Variants in C2orf80 observed in about 807,000 individuals in gnomAD.
The protein encoded by C2orf80 is uncharacterized protein C2orf80.
Under a neutral mutation model 30.2 loss-of-function variants are expected in C2orf80, and 28 were observed. The ratio of observed to expected loss-of-function variants is 0.93; its 90% CI spans 0.69 to 1.27. The LOEUF (loss-of-function observed/expected upper bound fraction) is 1.27, where lower values mean the gene tolerates loss of function less well. C2orf80 is among the 50% of genes most tolerant of loss of function. C2orf80 has a pLI of 0.00. For missense variants in C2orf80, 220 were observed against 231.0 expected, an observed-to-expected ratio of 0.95 and a Z score of 0.31; for synonymous variants, 80 against 76.4, an observed-to-expected ratio of 1.05 and a Z score of -0.24.
intron 6 of C2orf80, among the ~76,000 whole-genome samples, chr2:208,178,319 C>T: frequency 6.6e-6 from 1 of 152,092 alleles, no homozygotes; most frequent in East Asian, 1.9e-4. Context: ...AGACCTCTCC[C>T]AGGTACCAGA....
intron 7 of C2orf80, 58 bp from the exon 8 acceptor site, chr2:208,171,121 TC>T: frequency 8.8e-7 from 1 of 1,136,100 alleles, no homozygotes; most frequent in Non-Finnish European, 1.3e-6. Context: ...AATGTGTCCA[TC>T]CAAAGTTTCA....
chr2:208,176,877 GTATACATAGGTGTATATA>G (rs1696318413), intron 6 of C2orf80, among the ~76,000 whole-genome samples: 2 of 99,888 alleles, frequency 2.0e-5, no homozygotes, highest in African/African-American at 7.2e-5. Context: ...ATATACATAT[GTATACATAGGTGTATATA>G]TATACATATC....
At chr2:208,188,105 T>TGA (rs1390367368) in intron 1 of C2orf80, among the ~76,000 whole-genome samples, 1 of 151,762 alleles carries the variant, frequency 6.6e-6, no homozygotes, top group Non-Finnish European at 1.5e-5. Flanking sequence ...TGTGTGTGTG[T>TGA]GTGTGTGTGT....
intron 7 of C2orf80, 50 bp from the exon 8 acceptor site, chr2:208,171,113 T>C: frequency 8.1e-7 from 1 of 1,233,066 alleles, no homozygotes; most frequent in Non-Finnish European, 1.2e-6. Context: ...TTTTTAAAAA[T>C]GTGTCCATCC....
At chr2:208,173,581 T>A (rs893137185) in intron 6 of C2orf80, among the ~76,000 whole-genome samples, 2 of 151,520 alleles carry the variant, frequency 1.3e-5, no homozygotes, top group Admixed American at 1.3e-4. Context: ...GCCGAGATCG[T>A]GCCACTGCAC....
chr2:208,188,052 T>G (rs1171530232), intron 1 of C2orf80, among the ~76,000 whole-genome samples: 2 of 151,686 alleles, frequency 1.3e-5, no homozygotes, highest in Admixed American at 6.6e-5. Context: ...AAAATCAAAA[T>G]ATTTGAAAGA....
At chr2:208,165,840 T>C (rs751825243) in intron 8 of C2orf80, 25 bp from the exon 9 acceptor site, 68 of 1,559,372 alleles carry the variant, frequency 4.4e-5, no homozygotes, top group Non-Finnish European at 5.5e-5. Flanking sequence ...ATGATTTTGG[T>C]ATCAAGCACA....
intron 2 of C2orf80, 85 bp downstream of exon 2, chr2:208,186,861 C>A: frequency 8.6e-7 from 1 of 1,163,662 alleles, no homozygotes; most frequent in South Asian, 1.2e-5. Flanking sequence ...GATTTTTACC[C>A]ACTGCCAATA....
At chr2:208,189,215 C>A (rs1256416947) in intron 1 of C2orf80, among the ~76,000 whole-genome samples, 1 of 152,168 alleles carries the variant, frequency 6.6e-6, no homozygotes, top group Admixed American at 6.5e-5. Context: ...TGCTTTAATC[C>A]ATTCTTGTCT....
At chr2:208,185,124 C>A (rs1457988077) in intron 2 of C2orf80, 92 bp from the exon 3 acceptor site, 2 of 775,386 alleles carry the variant, frequency 2.6e-6, no homozygotes, top group East Asian at 2.6e-5. Context: ...CTCCCTCCCC[C>A]ACCAAAATAC....
chr2:208,186,704 C>T (rs1464754689), intron 2 of C2orf80, among the ~76,000 whole-genome samples: 1 of 152,162 alleles, frequency 6.6e-6, no homozygotes, highest in African/African-American at 2.4e-5. Context: ...AATGTGGATG[C>T]CTCGGATGTG....
intron 6 of C2orf80, among the ~76,000 whole-genome samples, chr2:208,175,076 G>T (rs1696240253): frequency 6.6e-6 from 1 of 152,144 alleles, no homozygotes; most frequent in African/African-American, 2.4e-5. Flanking sequence ...TTGAGGTCAG[G>T]AGTTCAAAAC....
chr2:208,189,900 G>A, intron 1 of C2orf80, 53 bp downstream of exon 1: 1 of 702,366 alleles, frequency 1.4e-6, no homozygotes, highest in Non-Finnish European at 2.6e-6. Context: ...GGTCTCTCGG[G>A]CTGTTCTATT....
chr2:208,176,913 ACATATC>A, intron 6 of C2orf80, among the ~76,000 whole-genome samples: 1 of 140,580 alleles, frequency 7.1e-6, no homozygotes, highest in African/African-American at 2.6e-5. Flanking sequence ...ATCTGTGTAT[ACATATC>A]TGTATACATA....
intron 6 of C2orf80, among the ~76,000 whole-genome samples, chr2:208,176,870 T>G (rs1184587842): frequency 1.1e-5 from 1 of 92,638 alleles, no homozygotes; most frequent in Non-Finnish European, 2.1e-5. Flanking sequence ...ATACTATATA[T>G]ACATATGTAT....
intron 7 of C2orf80, 60 bp from the exon 8 acceptor site, chr2:208,171,123 CAA>C: frequency 8.7e-7 from 1 of 1,144,266 alleles, no homozygotes. Flanking sequence ...TGTGTCCATC[CAA>C]AGTTTCATTT....
chr2:208,187,577 A>G (rs1044408900), intron 1 of C2orf80, among the ~76,000 whole-genome samples: 1 of 152,176 alleles, frequency 6.6e-6, no homozygotes, highest in Non-Finnish European at 1.5e-5. Context: ...TTGAACCAGA[A>G]ATTGAAGATC....
At chr2:208,177,264 A>G (rs185605535) in intron 6 of C2orf80, among the ~76,000 whole-genome samples, 8 of 151,178 alleles carry the variant, frequency 5.3e-5, no homozygotes, top group African/African-American at 1.7e-4. Flanking sequence ...ACAAGCGGCC[A>G]GACGTGGTGG....
intron 6 of C2orf80, among the ~76,000 whole-genome samples, chr2:208,175,563 T>C (rs554534129): frequency 6.6e-6 from 1 of 152,268 alleles, no homozygotes; most frequent in African/African-American, 2.4e-5. Flanking sequence ...ACAGTACCCA[T>C]ATTGTGTCAT....
Sources: gnomAD v4.1 joint callset for allele counts (sites outside exome capture counted in the v4.1 genomes callset) on GRCh38, gnomAD v4.1.1 for gene constraint, MANE v1.5 for transcripts, NCBI Gene and HGNC (gene_info 2026-07-23, HGNC 2026-07-21) for gene names.